Variants in TTBK2 observed in about 807,000 individuals in gnomAD.
The protein encoded by TTBK2 is tau-tubulin kinase 2.
TTBK2 carries 28 observed loss-of-function variants against 110.8 expected under a neutral mutation model. The observed-to-expected ratio is 0.25, with a 90% confidence interval of 0.19 to 0.35. The LOEUF is 0.35. Ranked by LOEUF, TTBK2 falls within the 10% of genes least tolerant of loss-of-function variation. The pLI is 1.00. For synonymous variants in TTBK2, 532 were observed against 527.3 expected, an observed-to-expected ratio of 1.01 and a Z score of -0.12; for missense variants, 1,369 against 1,500.3, an observed-to-expected ratio of 0.91 and a Z score of 1.45.
intron 1 of TTBK2, among the ~76,000 whole-genome samples, chr15:42,901,444 CCAAAA>C (rs961531621): frequency 1.3e-5 from 2 of 150,938 alleles, no homozygotes; most frequent in Non-Finnish European, 3.0e-5. Context: ...GGATATAATA[CCAAAA>C]CAAAACAAAA....
chr15:42,755,143 A>G (rs1406013781), intron 13 of TTBK2, among the ~76,000 whole-genome samples: 1 of 152,140 alleles, frequency 6.6e-6, no homozygotes, highest in African/African-American at 2.4e-5. Context: ...AGATACCTAA[A>G]GTTTTTATTA....
At chr15:42,767,950 G>A (rs950900806) in intron 13 of TTBK2, among the ~76,000 whole-genome samples, 6 of 152,180 alleles carry the variant, frequency 3.9e-5, no homozygotes, top group African/African-American at 1.4e-4. Flanking sequence ...ATGTAATGCT[G>A]GTTCAAAATA....
chr15:42,897,113 G>A (rs1165120555), intron 1 of TTBK2, among the ~76,000 whole-genome samples: 1 of 151,936 alleles, frequency 6.6e-6, no homozygotes, highest in South Asian at 2.1e-4. Flanking sequence ...TCTTGACCTC[G>A]TGATTCACCC....
Position 42,783,676 on chromosome 15 carries a change from T to C in TTBK2, c.981-41A>G, listed in dbSNP as rs147710300. ...GAAAAAAAAGGCAAGAATCAAAAAT[T>C]ACTATGAGACTATCTTACATCATTT... On this transcript the variant is annotated intron_variant, in intron 10 of 14. Transcript: ENST00000267890. The C allele has an allele frequency of 7.6e-5, 107 of 1,415,454 alleles. No homozygotes were observed. In the Middle Eastern group the frequency reaches 1.1e-3, roughly 14 times the overall value. The allele number at this position is 1,415,454 out of a possible 1,614,324, so 87.7% of individuals were successfully genotyped here.
chr15:42,889,473 TTCAGTGGAATCTTCATACCCCTTACCG>T (rs1439053959), intron 1 of TTBK2, among the ~76,000 whole-genome samples: 1 of 152,122 alleles, frequency 6.6e-6, no homozygotes, highest in Non-Finnish European at 1.5e-5. Context: ...GCTCTTGGTA[TTCAGTGGAATCTTCATACCCCTTACCG>T]TCCTCAATCT....
chr15:42,750,705 A>G (rs1595875351), intron 14 of TTBK2, among the ~76,000 whole-genome samples: 1 of 152,220 alleles, frequency 6.6e-6, no homozygotes, highest in East Asian at 1.9e-4. Flanking sequence ...AAAAAAAGAA[A>G]AAAAGCCTGC....
intron 1 of TTBK2, among the ~76,000 whole-genome samples, chr15:42,916,557 C>T (rs1350374119): frequency 1.3e-5 from 2 of 152,150 alleles, no homozygotes; most frequent in African/African-American, 2.4e-5. Flanking sequence ...CAACTCCTGA[C>T]CTCAAGTGAT....
chr15:42,781,882 T>C (rs1890194794), intron 11 of TTBK2, among the ~76,000 whole-genome samples: 1 of 152,168 alleles, frequency 6.6e-6, no homozygotes, highest in Non-Finnish European at 1.5e-5. Flanking sequence ...TGTTAAAATA[T>C]TCTAGTTCTT....
chr15:42,896,580 A>T (rs1011452154), intron 1 of TTBK2, among the ~76,000 whole-genome samples: 7 of 152,104 alleles, frequency 4.6e-5, no homozygotes, highest in Non-Finnish European at 8.8e-5. Flanking sequence ...GGAGGCCAGG[A>T]GTTTAAGAAC....
At chr15:42,849,150 CT>C (rs1893593115) in intron 3 of TTBK2, among the ~76,000 whole-genome samples, 1 of 151,430 alleles carries the variant, frequency 6.6e-6, no homozygotes, top group South Asian at 2.1e-4. Context: ...CACTGAGGCT[CT>C]GTTTTTTTTT....
In TTBK2 at chr15:42,830,012, G is replaced by A. The variant is rs369764597; in HGVS notation, c.358C>T (p.Arg120Trp). The A allele has an allele frequency of 6.2e-7, 1 of 1,614,092 alleles. No homozygotes were observed. The highest frequency in any genetic ancestry group is 8.5e-7 in the Non-Finnish European group (1 of 1,180,010). The change falls in exon 5 of 15, where the codon CGG becomes TGG. Residue 120 changes from arginine (R) to tryptophan (W), a missense_variant. By Grantham distance (101) the Arg-to-Trp change is moderately radical. Coordinates refer to ENST00000267890, the MANE Select transcript of TTBK2 (RefSeq NM_173500.4). Reference sequence around the variant, plus strand: ...GACTCCAAAATCTGTCTACCCAGCCGGAGAGTGGTACTAATGGTGAATGTG... The same window carrying A: ...GACTCCAAAATCTGTCTACCCAGCCAGAGAGTGGTACTAATGGTGAATGTG... ...RGTFTISTTL[R>W]LGRQILESIE...
intron 1 of TTBK2, among the ~76,000 whole-genome samples, chr15:42,894,983 CAGG>C (rs1429227969): frequency 6.6e-6 from 1 of 152,074 alleles, no homozygotes; most frequent in Admixed American, 6.6e-5. Context: ...TCATTTGATA[CAGG>C]AGAAGCATTT....
At chr15:42,796,396 G>A (rs1386623656) in intron 9 of TTBK2, among the ~76,000 whole-genome samples, 7 of 151,534 alleles carry the variant, frequency 4.6e-5, no homozygotes, top group African/African-American at 1.7e-4. Flanking sequence ...CGAGACTCGG[G>A]TCTCAAAAAA....
intron 4 of TTBK2, among the ~76,000 whole-genome samples, chr15:42,835,373 T>C (rs183120496): frequency 8.3e-4 from 126 of 152,314 alleles, no homozygotes; most frequent in Non-Finnish European, 1.8e-4. Context: ...TGGAATCTTA[T>C]ATAATCATCA....
intron 9 of TTBK2, among the ~76,000 whole-genome samples, chr15:42,802,619 C>T (rs1432065508): frequency 6.6e-6 from 1 of 152,182 alleles, no homozygotes; most frequent in Non-Finnish European, 1.5e-5. Flanking sequence ...AAGCTGCAAC[C>T]TTTACCTGTT....
chr15:42,887,593 T>A (rs1895293457), intron 1 of TTBK2, among the ~76,000 whole-genome samples: 1 of 152,168 alleles, frequency 6.6e-6, no homozygotes, highest in Non-Finnish European at 1.5e-5. Context: ...TGGACCAGTC[T>A]TACAGGTTAG....
chr15:42,914,118 A>AG (rs1242782764), intron 1 of TTBK2, among the ~76,000 whole-genome samples: 1 of 151,934 alleles, frequency 6.6e-6, no homozygotes, highest in Admixed American at 6.6e-5. Context: ...CTGGGACTAC[A>AG]GGTGCGTGCC....
At chr15:42,906,960 G>A (rs757421262) in intron 1 of TTBK2, among the ~76,000 whole-genome samples, 13 of 151,704 alleles carry the variant, frequency 8.6e-5, no homozygotes, top group Non-Finnish European at 1.3e-4. Flanking sequence ...CAAAGCAGAA[G>A]GATCACTTGA....
Position 42,775,573 on chromosome 15 carries a change from A to T in TTBK2, c.1560T>A (p.Ser520=). The change falls in exon 13 of 15, where the codon TCT becomes TCA. Residue 520 remains serine (S), a synonymous_variant. Transcript: ENST00000267890. ...CATCTGCCTGCTCAGGGGTGTTGGC[A>T]GAAGCAGGCTTGGAGGCATCTGGAA... ...EYLPDASKPA[S]ANTPEQADGG... 1 of 1,614,208 alleles carries T rather than the reference A, an allele frequency of 6.2e-7. No individual in the cohort carries two copies. The highest frequency in any genetic ancestry group is 8.5e-7 in the Non-Finnish European group (1 of 1,180,034).
Sources: allele counts gnomAD v4.1 joint callset (sites outside exome capture counted in the v4.1 genomes callset), GRCh38; gene constraint gnomAD v4.1.1; transcripts MANE v1.5; gene names NCBI Gene and HGNC (gene_info 2026-07-23, HGNC 2026-07-21).